Variants in ATRN observed in about 807,000 individuals in gnomAD.
The protein encoded by ATRN is attractin, also known as attractin-2.
A neutral mutation model predicts 178.7 loss-of-function variants in ATRN; 54 were observed. The observed-to-expected ratio is 0.30, with a 90% CI of 0.24 to 0.38. The LOEUF (loss-of-function observed/expected upper bound fraction) is 0.38, where lower values mean the gene tolerates loss of function less well. Ranked by LOEUF, ATRN falls within the 10% of genes least tolerant of loss-of-function variation. The pLI, the probability that ATRN is intolerant of heterozygous loss-of-function variation, is 1.00. For missense variants in ATRN, 1,443 were observed against 1,815.1 expected, an observed-to-expected ratio of 0.79 and a Z score of 3.73; for synonymous variants, 636 against 663.0, an observed-to-expected ratio of 0.96 and a Z score of 0.63.
chr20:3,482,306 G>T (rs796464874), intron 1 of ATRN, among the ~76,000 whole-genome samples: 105 of 151,738 alleles, frequency 6.9e-4, no homozygotes, highest in African/African-American at 2.5e-3. Flanking sequence ...GGGATAAAAT[G>T]TATATTAACA....
At chr20:3,631,496 C>T (rs545662833) in intron 25 of ATRN, among the ~76,000 whole-genome samples, 1 of 152,132 alleles carries the variant, frequency 6.6e-6, no homozygotes, top group Non-Finnish European at 1.5e-5. Context: ...TAATGAGATG[C>T]TTTTCCAGCC....
At chr20:3,497,734 C>T (rs560347046) in intron 1 of ATRN, among the ~76,000 whole-genome samples, 22 of 152,276 alleles carry the variant, frequency 1.4e-4, no homozygotes, top group African/African-American at 5.1e-4. Context: ...GGAAGTTCTC[C>T]TGGATAATAT....
intron 10 of ATRN, 87 bp downstream of exon 10, chr20:3,563,450 G>C (rs1037677786): frequency 7.3e-7 from 1 of 1,367,700 alleles, no homozygotes; most frequent in African/African-American, 1.4e-5. Flanking sequence ...AATATTGCCA[G>C]TTCAAAATGA....
intron 24 of ATRN, among the ~76,000 whole-genome samples, chr20:3,610,567 A>ATTTT (rs35770410): frequency 1.5e-3 from 139 of 93,634 alleles, no homozygotes; most frequent in Admixed American, 2.4e-3. Flanking sequence ...TTCCAGCTGA[A>ATTTT]TTTTTTTTTT....
At chr20:3,496,946 G>T (rs924619580) in intron 1 of ATRN, among the ~76,000 whole-genome samples, 5 of 151,084 alleles carry the variant, frequency 3.3e-5, no homozygotes, top group African/African-American at 1.2e-4. Context: ...GATCTTTGTT[G>T]GTTTAAAGTC....
chr20:3,490,124 A>G, intron 1 of ATRN: 6 of 1,479,438 alleles, frequency 4.1e-6, no homozygotes, highest in South Asian at 1.1e-5. Flanking sequence ...TGGCAAACAA[A>G]GAGTTATCAA....
intron 13 of ATRN, 30 bp downstream of exon 13, chr20:3,575,978 A>T: frequency 6.2e-7 from 1 of 1,609,162 alleles, no homozygotes; most frequent in Non-Finnish European, 8.5e-7. Context: ...AGATTTCAGA[A>T]AAATCCCAAT....
Position 3,649,185 on chromosome 20 carries a change from C to T in ATRN, c.*2338C>T, listed in dbSNP as rs994601468. 2.0e-5 allele frequency: 3 copies of T among 152,308 alleles called. No homozygotes were observed. Among genetic ancestry groups the T allele is most frequent in the South Asian group, 4.1e-4 (2 of 4,826 alleles). The allele number at this position is 152,308 out of a possible 1,614,324, so 9.4% of individuals were successfully genotyped here. A position where few individuals can be genotyped will look rare whatever the true frequency, so the allele number is the denominator to read the frequency against. On this transcript the variant is annotated 3_prime_UTR_variant, in exon 29 of 29. Transcript: ENST00000262919. ...AAAGGGAATGGCAGGGAGTAAGAGG[C>T]GCTGGGCTCGGAGCCTGTTTCCAAG...
At position 3,584,653 on chromosome 20, in the gene ATRN, A is replaced by C. The variant is rs374228860; in HGVS notation, c.2957A>C (p.Asn986Thr). The change falls in exon 18 of 29, where the codon AAT becomes ACT. Residue 986 changes from asparagine to threonine, a missense_variant. Physicochemically the swap from Asn to Thr is moderately conservative, Grantham distance 65. This residue lies in a region of ATRN where 212 missense variants were observed against 330.7 expected (regional missense o/e 0.64). Transcript: ENST00000262919. Reference sequence around the variant, plus strand: ...AACTTTTTTTTTTTAATAGCTGAAAATTGTTCAGGCTACTGTACCTGTAGT... The same window carrying C: ...AACTTTTTTTTTTTAATAGCTGAAACTTGTTCAGGCTACTGTACCTGTAGT... ...WYTMSTCPPE[N>T]CSGYCTCSHC... 6.1e-5 allele frequency: 98 copies of C among 1,602,622 alleles called. 1 individual carries two copies. Among genetic ancestry groups the C allele is most frequent in the Non-Finnish European group, 7.7e-5 (91 of 1,175,264 alleles).
At chr20:3,598,166 C>T (rs1239146084) in intron 22 of ATRN, among the ~76,000 whole-genome samples, 166 bp downstream of exon 22, 1 of 152,182 alleles carries the variant, frequency 6.6e-6, no homozygotes, top group Non-Finnish European at 1.5e-5. Context: ...TATCTCCTTT[C>T]CACATAAAAG....
At position 3,471,024 on chromosome 20, in the gene ATRN, C is replaced by T; in HGVS notation, c.-84C>T. ...CGCACGAGCCACCGTCCGCACAGCC[C>T]CGCCCCGCACGGCCAGGCGAAGCGG... On this transcript the variant is annotated 5_prime_UTR_variant, in exon 1 of 29. Coordinates refer to ENST00000262919, the MANE Select transcript of ATRN (RefSeq NM_139321.3). 90 of 1,400,464 alleles carry T rather than the reference C, an allele frequency of 6.4e-5. No homozygotes were observed. The highest frequency in any genetic ancestry group is 8.3e-5 in the Non-Finnish European group (90 of 1,081,962). 86.8% of individuals were successfully genotyped at this position (1,400,464 alleles called of 1,614,324 possible).
chr20:3,471,617 G>T, intron 1 of ATRN, 100 bp downstream of exon 1: 1 of 1,337,446 alleles, frequency 7.5e-7, no homozygotes, highest in Non-Finnish European at 9.5e-7. Context: ...TGGACAGAAA[G>T]TGGAGAGGGT....
At position 3,645,884 on chromosome 20, in the gene ATRN, C is replaced by CTT. The variant is rs765574517; in HGVS notation, c.4166-839_4166-838insTT. On this transcript the variant is annotated intron_variant, in intron 28 of 28. Coordinates refer to ENST00000262919, the MANE Select transcript of ATRN (RefSeq NM_139321.3). The surrounding 1 kb of genome is among the most constrained non-coding windows in gnomAD (Gnocchi z 4.7). ...CCACGTATATTAGGAATCCAGCTCCCCCAGAACCGTGCCTTCCCTAATGGA... is the reference window on the plus strand; with the variant it reads ...CCACGTATATTAGGAATCCAGCTCCCTTCCAGAACCGTGCCTTCCCTAATGGA... Among the ~76,000 whole-genome samples, 78 of 152,216 alleles carry CTT rather than the reference C, an allele frequency of 5.1e-4. 1 individual carries two copies. Among genetic ancestry groups the CTT allele is most frequent in the Non-Finnish European group, 6.3e-4 (43 of 68,014 alleles).
Position 3,563,205 on chromosome 20 carries a change from A to G in ATRN, c.1632-4A>G, listed in dbSNP as rs1374609942. The G allele has an allele frequency of 6.2e-7, 1 of 1,605,984 alleles. No individual in the cohort carries two copies. Among genetic ancestry groups the G allele is most frequent in the Admixed American group, 1.7e-5 (1 of 59,112 alleles). On this transcript the variant is annotated splice_polypyrimidine_tract_variant and splice_region_variant and intron_variant, in intron 9 of 28. Coordinates refer to ENST00000262919, the MANE Select transcript of ATRN (RefSeq NM_139321.3). ...TATTTATTATTTCTAAATAAACTCA[A>G]AAGGACCATTCTTAAGGACAGCCGA... is the stretch of plus-strand genomic sequence containing the variant.
At chr20:3,642,979 G>GA (rs2087080781) in intron 27 of ATRN, among the ~76,000 whole-genome samples, 1 of 152,108 alleles carries the variant, frequency 6.6e-6, no homozygotes, top group Admixed American at 6.5e-5. Flanking sequence ...TTGTTTTTGT[G>GA]AGACAGAGTC....
At chr20:3,548,177 C>T (rs2085735703) in intron 5 of ATRN, among the ~76,000 whole-genome samples, 1 of 152,118 alleles carries the variant, frequency 6.6e-6, no homozygotes, top group Non-Finnish European at 1.5e-5. Context: ...TTTTGATTTA[C>T]CAGAAGATGG....
At chr20:3,636,202 A>G (rs2087024069) in intron 26 of ATRN, among the ~76,000 whole-genome samples, 1 of 152,260 alleles carries the variant, frequency 6.6e-6, no homozygotes, top group Non-Finnish European at 1.5e-5. Flanking sequence ...TTTTATACAC[A>G]GAAATCTTGG....
At position 3,499,763 on chromosome 20, in the gene ATRN, C is replaced by T. The variant is rs1254889008; in HGVS notation, c.410+28246C>T. 7.9e-5 allele frequency among the ~76,000 whole-genome samples: 12 copies of T among 151,030 alleles called. No individual in the cohort carries two copies. In the East Asian group the frequency reaches 1.2e-3, roughly 15 times the overall value. On this transcript the variant is annotated intron_variant, in intron 1 of 28. Coordinates refer to ENST00000262919, the MANE Select transcript of ATRN (RefSeq NM_139321.3). ...AAAACCTAGGCATTACCATTCAGGA[C>T]GTAGGCATGGGCAAGGACTTCATCT...
At chr20:3,484,534 C>T (rs930621825) in intron 1 of ATRN, among the ~76,000 whole-genome samples, 2 of 152,082 alleles carry the variant, frequency 1.3e-5, no homozygotes, top group Non-Finnish European at 2.9e-5. Context: ...ATTTATAGAA[C>T]AGTTTTGCCC....
Sources: allele counts gnomAD v4.1 joint callset (sites outside exome capture counted in the v4.1 genomes callset), GRCh38; gene constraint gnomAD v4.1.1; regional missense constraint gnomAD v4.1.1; non-coding constraint Gnocchi (gnomAD v3.1); transcripts MANE v1.5; gene names NCBI Gene and HGNC (gene_info 2026-07-23, HGNC 2026-07-21).